The following L3MBTL3 variants were observed in gnomAD, a reference collection of about 807,000 sequenced individuals.
L3MBTL3 encodes the protein lethal(3)malignant brain tumor-like protein 3.
A neutral mutation model predicts 102.3 loss-of-function variants in L3MBTL3; 27 were observed. That is an observed-to-expected ratio of 0.26 (90% CI 0.19 to 0.36). The LOEUF is 0.36. L3MBTL3 is among the 10% of genes least tolerant of loss of function. The pLI is 1.00. For missense variants in L3MBTL3, 798 were observed against 955.3 expected (o/e 0.84, Z 2.17); for synonymous variants, 340 against 320.9 (o/e 1.06, Z -0.64).
chr6:130,042,101 A>G (rs1562259202), intron 2 of L3MBTL3, among the ~76,000 whole-genome samples: 1 of 152,240 alleles, frequency 6.6e-6, no homozygotes, highest in Non-Finnish European at 1.5e-5. Flanking sequence ...TCTTAGAACA[A>G]CAGTATCAAT....
chr6:130,075,442 G>A (rs549377784), intron 13 of L3MBTL3, among the ~76,000 whole-genome samples: 15 of 152,214 alleles, frequency 9.9e-5, no homozygotes, highest in African/African-American at 3.6e-4. Context: ...TTGGGTAATG[G>A]CAGCCAGTTT....
At chr6:130,077,469 A>G (rs1783027063) in intron 13 of L3MBTL3, among the ~76,000 whole-genome samples, 1 of 152,218 alleles carries the variant, frequency 6.6e-6, no homozygotes, top group South Asian at 2.1e-4. Flanking sequence ...ACAACTGAAT[A>G]AAGGAAGAAG....
At chr6:130,019,317 G>A (rs1480980441) in intron 1 of L3MBTL3, 1 of 145,536 alleles carries the variant, frequency 6.9e-6, no homozygotes, top group Admixed American at 6.8e-5. Flanking sequence ...CCGGCGGGGG[G>A]CGCGGGGGCG....
intron 17 of L3MBTL3, 90 bp from the exon 18 acceptor site, chr6:130,094,175 T>C: frequency 1.0e-6 from 1 of 959,782 alleles, no homozygotes; most frequent in Non-Finnish European, 1.5e-6. Context: ...AGGGAGTCTT[T>C]TTCTTCCTTA....
intron 19 of L3MBTL3, among the ~76,000 whole-genome samples, chr6:130,108,231 G>GTTTTTTTTTT (rs869221525): frequency 1.8e-3 from 162 of 90,950 alleles, no homozygotes; most frequent in Middle Eastern, 9.1e-3. Context: ...TTTTTTTTTT[G>GTTTTTTTTTT]TTTTTTTTTT....
intron 8 of L3MBTL3, among the ~76,000 whole-genome samples, chr6:130,055,744 C>T (rs1446962821): frequency 6.8e-6 from 1 of 147,020 alleles, no homozygotes; most frequent in African/African-American, 2.5e-5. Flanking sequence ...GTAGGTGTTT[C>T]CTGCCTCTGC....
At chr6:130,123,706 A>G (rs989956366) in intron 20 of L3MBTL3, among the ~76,000 whole-genome samples, 13 of 152,176 alleles carry the variant, frequency 8.5e-5, no homozygotes, top group African/African-American at 1.4e-4. Context: ...TGGTTTTTCA[A>G]GAACCATTTT....
intron 22 of L3MBTL3, among the ~76,000 whole-genome samples, chr6:130,139,307 T>G (rs1443569172): frequency 6.6e-6 from 1 of 152,224 alleles, no homozygotes; most frequent in African/African-American, 2.4e-5. Context: ...CATCCTGGAT[T>G]TTTCCATATT....
chr6:130,126,239 A>G (rs1391616614), intron 20 of L3MBTL3, among the ~76,000 whole-genome samples: 1 of 152,048 alleles, frequency 6.6e-6, no homozygotes, highest in African/African-American at 2.4e-5. Context: ...TATTCCTGGG[A>G]AAGGTATGGT....
intron 22 of L3MBTL3, among the ~76,000 whole-genome samples, chr6:130,139,099 CT>C (rs11319976): frequency 0.68 from 103,520 of 151,132 alleles, 35,609 homozygotes; most frequent in East Asian, 0.84. Flanking sequence ...TGTGTAAAGA[CT>C]TAACTGTGGC....
intron 22 of L3MBTL3, among the ~76,000 whole-genome samples, chr6:130,139,359 T>C (rs1053419785): frequency 6.6e-6 from 1 of 152,216 alleles, no homozygotes; most frequent in African/African-American, 2.4e-5. Flanking sequence ...CACAGGAAGA[T>C]ATGGGCACCT....
At chr6:130,122,165 C>T (rs188090998) in intron 20 of L3MBTL3, among the ~76,000 whole-genome samples, 1 of 152,206 alleles carries the variant, frequency 6.6e-6, no homozygotes, top group East Asian at 1.9e-4. Flanking sequence ...TTGATTGTCC[C>T]TGGGGACTTT....
chr6:130,139,797 C>T lies in L3MBTL3; in HGVS notation c.*44C>T, dbSNP rs756105059. On this transcript the variant is annotated 3_prime_UTR_variant, in exon 23 of 23. Transcript: ENST00000361794. ...ACCATCAGCATTCTGCTTTAAAGCT[C>T]ATGTTTTATTCAAAGCACAAGGACG... 4 of 1,591,082 alleles carry T rather than the reference C, an allele frequency of 2.5e-6. No individual in the cohort carries two copies. Among genetic ancestry groups the T allele is most frequent in the Non-Finnish European group, 3.4e-6 (4 of 1,164,734 alleles).
At chr6:130,026,036 A>G (rs955616643) in intron 2 of L3MBTL3, among the ~76,000 whole-genome samples, 1 of 152,140 alleles carries the variant, frequency 6.6e-6, no homozygotes, top group Admixed American at 6.5e-5. Flanking sequence ...AGACACTGTG[A>G]TGGCATCTCT....
chr6:130,035,317 G>C (rs939252099), intron 2 of L3MBTL3, among the ~76,000 whole-genome samples: 5 of 152,174 alleles, frequency 3.3e-5, no homozygotes, highest in Non-Finnish European at 7.3e-5. Flanking sequence ...GTAGACTGGG[G>C]CTGCCAGGGA....
chr6:130,131,785 G>A (rs1437350885), intron 20 of L3MBTL3, among the ~76,000 whole-genome samples: 2 of 152,202 alleles, frequency 1.3e-5, no homozygotes, highest in African/African-American at 4.8e-5. Flanking sequence ...ATTGTAAACT[G>A]TCCTGGCGCT....
At chr6:130,021,981 T>C (rs1779048737) in intron 1 of L3MBTL3, among the ~76,000 whole-genome samples, 1 of 152,242 alleles carries the variant, frequency 6.6e-6, no homozygotes, top group Non-Finnish European at 1.5e-5. Flanking sequence ...TTCACCTGCC[T>C]GTCATATACA....
At chr6:130,106,579 G>A (rs778596306) in intron 19 of L3MBTL3, among the ~76,000 whole-genome samples, 10 of 152,142 alleles carry the variant, frequency 6.6e-5, no homozygotes, top group African/African-American at 1.4e-4. Flanking sequence ...GAAAATGTCC[G>A]AAGCAGCCTG....
intron 2 of L3MBTL3, among the ~76,000 whole-genome samples, chr6:130,042,483 TA>T (rs1334145716): frequency 2.6e-5 from 4 of 152,216 alleles, no homozygotes; most frequent in Admixed American, 6.5e-5. Context: ...TTTTTATTAA[TA>T]TTTTTTCTCT....
Sources: allele counts gnomAD v4.1 joint callset (sites outside exome capture counted in the v4.1 genomes callset), GRCh38; gene constraint gnomAD v4.1.1; transcripts MANE v1.5; gene names NCBI Gene and HGNC (gene_info 2026-07-23, HGNC 2026-07-21).